Variants in SUMF1 observed in about 807,000 individuals in gnomAD.
SUMF1 encodes sulfatase modifying factor 1, also known as formylglycine-generating enzyme.
A neutral mutation model predicts 47.6 loss-of-function variants in SUMF1; 48 were observed. The observed-to-expected ratio is 1.01, with a 90% CI of 0.80 to 1.28. The LOEUF (loss-of-function observed/expected upper bound fraction) is 1.28. SUMF1 is among the 50% of genes most tolerant of loss of function. The pLI, the probability that SUMF1 is intolerant of heterozygous loss-of-function variation, is 0.00. For missense variants in SUMF1, 571 were observed against 485.4 expected (o/e 1.18, Z -1.66); for synonymous variants, 230 against 192.1 (o/e 1.20, Z -1.63).
chr3:4,212,132 T>C lies in SUMF1; in HGVS notation c.1015-143387A>G, dbSNP rs1695812748. On this transcript the variant is annotated intron_variant and NMD_transcript_variant, in intron 8 of 12. Coordinates refer to the SUMF1 transcript ENST00000448413. ...GTCCCTGACCGCCGTGTATCCTGAC[T>C]GGGAGACACCTCCCAGTAGGGGCCG... Among the ~76,000 whole-genome samples the C allele has an allele frequency of 2.0e-5, 3 of 152,186 alleles. No individual in the cohort carries two copies. The South Asian group carries it at 6.2e-4, about 31-fold the overall frequency.
chr3:4,050,342 G>T (rs1695084648), intron 9 of SUMF1, among the ~76,000 whole-genome samples: 1 of 151,788 alleles, frequency 6.6e-6, no homozygotes, highest in African/African-American at 2.4e-5. Context: ...TAAAATCACT[G>T]AAATTGCTAG....
At chr3:4,366,700 CCTT>C (rs1227454289) in intron 8 of SUMF1, among the ~76,000 whole-genome samples, 2 of 152,170 alleles carry the variant, frequency 1.3e-5, no homozygotes, top group Middle Eastern at 3.2e-3. Context: ...TCGTCTGAAG[CCTT>C]CTTCTCTCAA....
chr3:4,401,668 G>A (rs1559275595), intron 7 of SUMF1, among the ~76,000 whole-genome samples: 1 of 152,162 alleles, frequency 6.6e-6, no homozygotes, highest in Non-Finnish European at 1.5e-5. Context: ...AAACCCAGGC[G>A]ACTGACCTCA....
chr3:4,465,978 G>GT (rs2079933866), intron 1 of SUMF1, among the ~76,000 whole-genome samples: 1 of 152,216 alleles, frequency 6.6e-6, no homozygotes, highest in Admixed American at 6.5e-5. Context: ...GAAAAGGATA[G>GT]TGTCTGCTAA....
intron 8 of SUMF1, among the ~76,000 whole-genome samples, chr3:4,088,313 T>C (rs988290807): frequency 6.6e-6 from 1 of 152,140 alleles, no homozygotes; most frequent in African/African-American, 2.4e-5. Context: ...TAGGCAAAAA[T>C]CATATTCTGA....
intron 8 of SUMF1, among the ~76,000 whole-genome samples, chr3:4,242,332 G>C (rs950551834): frequency 2.0e-5 from 3 of 152,142 alleles, no homozygotes; most frequent in African/African-American, 7.2e-5. Context: ...AGTGGTGAGA[G>C]AGGGCAACCC....
chr3:4,231,203 T>G lies in SUMF1; in HGVS notation c.1014+145127A>C, dbSNP rs553045604. Among the ~76,000 whole-genome samples, 103 of 152,204 alleles carry G rather than the reference T, an allele frequency of 6.8e-4. 1 individual carries two copies. The South Asian group carries it at 0.021, about 31-fold the overall frequency. On this transcript the variant is annotated intron_variant and NMD_transcript_variant, in intron 8 of 12. Transcript: ENST00000448413. ...TCGAGTTTTGAGAGGTGGGAACGCATTTATTACAAGAAAATGAGGAAGAGG... is the reference window on the plus strand; with the variant it reads ...TCGAGTTTTGAGAGGTGGGAACGCAGTTATTACAAGAAAATGAGGAAGAGG...
intron 8 of SUMF1, among the ~76,000 whole-genome samples, chr3:4,261,773 T>G (rs904029001): frequency 2.6e-5 from 4 of 152,184 alleles, no homozygotes; most frequent in African/African-American, 9.7e-5. Flanking sequence ...AAGACCAGCA[T>G]CAGTGCCACG....
At chr3:4,100,508 C>G (rs1693008971) in intron 8 of SUMF1, among the ~76,000 whole-genome samples, 1 of 151,916 alleles carries the variant, frequency 6.6e-6, no homozygotes, top group East Asian at 1.9e-4. Context: ...TCATCTCACT[C>G]TTATAAAAGA....
At chr3:4,309,199 G>C (rs1258358899) in intron 8 of SUMF1, among the ~76,000 whole-genome samples, 1 of 152,192 alleles carries the variant, frequency 6.6e-6, no homozygotes, top group Non-Finnish European at 1.5e-5. Flanking sequence ...GCTTCAGAGA[G>C]AATAGATTGT....
At chr3:4,162,755 T>C (rs1294191194) in intron 8 of SUMF1, among the ~76,000 whole-genome samples, 1 of 152,132 alleles carries the variant, frequency 6.6e-6, no homozygotes, top group Non-Finnish European at 1.5e-5. Context: ...TTCAGTGATA[T>C]GAAGTTAAAA....
In SUMF1 at chr3:4,352,578, AT is replaced by A. The variant is rs1325919329; in HGVS notation, c.1014+23751del. 2.6e-5 allele frequency among the ~76,000 whole-genome samples: 4 copies of A among 152,246 alleles called. No individual in the cohort carries two copies. In the East Asian group the frequency reaches 7.7e-4, roughly 29 times the overall value. ...AATGTCACCTTGAGTGGAGGCTGCA[AT>A]AGTCAGGGAATCTTCCATGACTTGC... is the stretch of plus-strand genomic sequence containing the variant. On this transcript the variant is annotated intron_variant and NMD_transcript_variant, in intron 8 of 12. Coordinates refer to the SUMF1 transcript ENST00000448413.
chr3:4,135,507 A>G (rs1184659720), intron 8 of SUMF1, among the ~76,000 whole-genome samples: 1 of 152,170 alleles, frequency 6.6e-6, no homozygotes, highest in Non-Finnish European at 1.5e-5. Flanking sequence ...ACAAACCCAT[A>G]GCCAATATCA....
chr3:4,077,282 T>C (rs1461551509), intron 8 of SUMF1, among the ~76,000 whole-genome samples: 1 of 152,100 alleles, frequency 6.6e-6, no homozygotes, highest in Non-Finnish European at 1.5e-5. Context: ...GAAATACCAT[T>C]TGACCCAGCA....
chr3:4,238,229 G>C (rs987399724), intron 8 of SUMF1, among the ~76,000 whole-genome samples: 2 of 152,084 alleles, frequency 1.3e-5, no homozygotes, highest in African/African-American at 4.8e-5. Flanking sequence ...GAACAGTGCT[G>C]CAATAAACAT....
At chr3:4,319,907 G>A (rs1367570725) in intron 8 of SUMF1, among the ~76,000 whole-genome samples, 2 of 152,142 alleles carry the variant, frequency 1.3e-5, no homozygotes, top group African/African-American at 4.8e-5. Flanking sequence ...TTCTGAACAG[G>A]CTGCATACTA....
chr3:4,455,567 A>G (rs1463679139), intron 1 of SUMF1, among the ~76,000 whole-genome samples: 4 of 152,178 alleles, frequency 2.6e-5, no homozygotes, highest in African/African-American at 9.7e-5. Context: ...AATACAAAAA[A>G]TTAGCCGGGT....
chr3:4,199,622 T>A (rs960709114), intron 8 of SUMF1, among the ~76,000 whole-genome samples: 1 of 152,184 alleles, frequency 6.6e-6, no homozygotes, highest in Non-Finnish European at 1.5e-5. Flanking sequence ...TCTTCATAAA[T>A]CTAAATAACA....
chr3:4,134,396 A>C (rs1574913420), intron 8 of SUMF1, among the ~76,000 whole-genome samples: 1 of 152,174 alleles, frequency 6.6e-6, no homozygotes, highest in East Asian at 1.9e-4. Context: ...TGAAGGCAGA[A>C]ATAAAGATGT....
Sources: allele counts gnomAD v4.1 joint callset (sites outside exome capture counted in the v4.1 genomes callset), GRCh38; gene constraint gnomAD v4.1.1; transcripts MANE v1.5; gene names NCBI Gene and HGNC (gene_info 2026-07-23, HGNC 2026-07-21).